The following AGBL1 variants were observed in gnomAD, a reference collection of about 807,000 sequenced individuals.
The protein encoded by AGBL1 is AGBL carboxypeptidase 1.
Under a neutral mutation model 118.9 loss-of-function variants are expected in AGBL1, and 130 were observed. That is an observed-to-expected ratio of 1.09 (90% CI 0.95 to 1.26). The LOEUF (loss-of-function observed/expected upper bound fraction) is 1.26. Among genes scored for constraint, AGBL1 ranks in the 50% most tolerant of loss-of-function variants. AGBL1 has a pLI of 0.00. For synonymous variants in AGBL1, 555 were observed against 478.9 expected (o/e 1.16, Z -2.08); for missense variants, 1,584 against 1,298.1 (o/e 1.22, Z -3.38).
At chr15:86,790,429 C>G (rs1389216847) in intron 22 of AGBL1, among the ~76,000 whole-genome samples, 1 of 152,008 alleles carries the variant, frequency 6.6e-6, no homozygotes, top group East Asian at 1.9e-4. Context: ...AACTTTCTCT[C>G]CCCACTCTCA....
intron 22 of AGBL1, among the ~76,000 whole-genome samples, chr15:86,736,914 T>C (rs750601316): frequency 1.3e-5 from 2 of 152,182 alleles, no homozygotes; most frequent in Admixed American, 6.5e-5. Context: ...TGTTTGATCA[T>C]TGGTAATTTC....
At chr15:86,200,598 C>T (rs1282021691) in intron 5 of AGBL1, among the ~76,000 whole-genome samples, 2 of 108,094 alleles carry the variant, frequency 1.9e-5, no homozygotes, top group East Asian at 6.2e-4. Flanking sequence ...TTGTTTTAAG[C>T]AATCATGAAT....
chr15:86,705,322 C>A (rs1174247662), intron 22 of AGBL1, among the ~76,000 whole-genome samples: 2 of 152,078 alleles, frequency 1.3e-5, no homozygotes, highest in African/African-American at 2.4e-5. Flanking sequence ...CAAAAACCCT[C>A]TTTTTTAAAT....
At chr15:86,586,213 G>A (rs1397458462) in intron 21 of AGBL1, among the ~76,000 whole-genome samples, 4 of 152,114 alleles carry the variant, frequency 2.6e-5, no homozygotes, top group African/African-American at 9.7e-5. Context: ...TTCTCTCCTA[G>A]CCTGTAATTC....
At chr15:86,142,171 G>A in intron 2 of AGBL1, 104 bp downstream of exon 2, 2 of 1,181,180 alleles carry the variant, frequency 1.7e-6, no homozygotes, top group Admixed American at 4.4e-5. Context: ...TCTTGCTTCA[G>A]TTTCCTGTGA....
intron 19 of AGBL1, among the ~76,000 whole-genome samples, chr15:86,544,923 T>A (rs944476612): frequency 8.5e-5 from 13 of 152,214 alleles, no homozygotes; most frequent in Non-Finnish European, 2.9e-5. Flanking sequence ...TTTTTCTCCA[T>A]TATTAGCATC....
In AGBL1 at chr15:86,485,374, C is replaced by T. The variant is rs564145813; in HGVS notation, c.2556-37436C>T. 1.1e-3 allele frequency among the ~76,000 whole-genome samples: 155 copies of T among 143,910 alleles called. 1 individual carries two copies. The highest frequency in any genetic ancestry group is 3.9e-3 in the African/African-American group (145 of 37,470). The allele number at this position is 143,910 out of a possible 152,430, so 94.4% of individuals were successfully genotyped here. ...GAGTTCCACCCATGATTTTTCACTG[C>T]TTATATATGAACAACTATACTTATT... is the stretch of plus-strand genomic sequence containing the variant. On this transcript the variant is annotated intron_variant, in intron 18 of 22. Coordinates refer to ENST00000614907, the MANE Select transcript of AGBL1 (RefSeq NM_001386094.1).
intron 17 of AGBL1, among the ~76,000 whole-genome samples, chr15:86,329,867 A>G (rs914524617): frequency 1.2e-4 from 19 of 152,284 alleles, no homozygotes; most frequent in Admixed American, 9.8e-4. Context: ...ATCCAAGTGG[A>G]GAGGAGCCTT....
rs112559854 is a variant in AGBL1, at chr15:86,773,540, C to T, written c.3158+99104C>T. 6.5e-3 allele frequency among the ~76,000 whole-genome samples: 852 copies of T among 131,158 alleles called. 3 individuals carry two copies. The highest frequency in any genetic ancestry group is 0.01 in the Non-Finnish European group (664 of 64,122). 86.0% of individuals were successfully genotyped at this position (131,158 alleles called of 152,430 possible). On this transcript the variant is annotated intron_variant, in intron 22 of 22. Coordinates refer to ENST00000614907, the MANE Select transcript of AGBL1 (RefSeq NM_001386094.1). ...ACAACAGGCCCTGGTGTGTGATGTT[C>T]CCCTTACTGTGTCCATGTGTTCTCA... is the stretch of plus-strand genomic sequence containing the variant.
chr15:86,377,528 A>T (rs1355777757), intron 17 of AGBL1, among the ~76,000 whole-genome samples: 1 of 152,190 alleles, frequency 6.6e-6, no homozygotes, highest in Admixed American at 6.5e-5. Flanking sequence ...AGTGCTAACA[A>T]GTCCTGTTTT....
chr15:86,907,525 G>C lies in AGBL1; in HGVS notation c.*231G>C, dbSNP rs573713540. ...TAGGTAGCCCTTGGGGCCTATGCAA[G>C]CTGCTATTGTACTTAGAATGGGACC... is the stretch of plus-strand genomic sequence containing the variant. On this transcript the variant is annotated 3_prime_UTR_variant, in exon 23 of 23. Coordinates refer to ENST00000614907, the MANE Select transcript of AGBL1 (RefSeq NM_001386094.1). 6.6e-6 allele frequency: 1 copy of C among 152,132 alleles called. No individual in the cohort carries two copies. The highest frequency in any genetic ancestry group is 1.9e-4 in the East Asian group (1 of 5,170). 9.4% of individuals were successfully genotyped at this position (152,132 alleles called of 1,614,324 possible).
intron 22 of AGBL1, among the ~76,000 whole-genome samples, chr15:86,857,178 T>C (rs1269119026): frequency 6.6e-6 from 1 of 152,186 alleles, no homozygotes; most frequent in Non-Finnish European, 1.5e-5. Context: ...GCCACCATTA[T>C]CTCCTAGTTG....
At chr15:86,195,321 T>G (rs1212951495) in intron 5 of AGBL1, among the ~76,000 whole-genome samples, 5 of 152,160 alleles carry the variant, frequency 3.3e-5, no homozygotes, top group Non-Finnish European at 7.4e-5. Context: ...AATTTGCATA[T>G]AGTCATCCTG....
chr15:86,575,073 C>T (rs112099455), intron 21 of AGBL1, among the ~76,000 whole-genome samples: 6,126 of 152,044 alleles, frequency 0.04, 149 homozygotes, highest in African/African-American at 0.055. Flanking sequence ...CCTGCAGTCC[C>T]AGCTACTTGG....
chr15:86,795,750 A>G (rs956746089), intron 22 of AGBL1, among the ~76,000 whole-genome samples: 1 of 151,128 alleles, frequency 6.6e-6, no homozygotes, highest in African/African-American at 2.4e-5. Context: ...ACACCCAGCT[A>G]ATTTTTTGTA....
chr15:86,774,351 A>G (rs780711842), intron 22 of AGBL1, among the ~76,000 whole-genome samples: 1 of 152,142 alleles, frequency 6.6e-6, no homozygotes, highest in Non-Finnish European at 1.5e-5. Context: ...ATATTAAACA[A>G]TGTTTAAGAG....
chr15:86,087,431 C>A (rs12917580), intron 1 of AGBL1, among the ~76,000 whole-genome samples: 75,321 of 151,238 alleles, frequency 0.5, 21,456 homozygotes, highest in Non-Finnish European at 0.65. Context: ...CACATTCAAG[C>A]GATTCTCCTG....
chr15:86,387,061 G>A (rs1344103070), intron 17 of AGBL1, among the ~76,000 whole-genome samples: 1 of 152,146 alleles, frequency 6.6e-6, no homozygotes, highest in Non-Finnish European at 1.5e-5. Flanking sequence ...ATGGAAAGCA[G>A]AAAGGGGGAT....
chr15:86,397,262 T>G, intron 17 of AGBL1, 104 bp from the exon 18 acceptor site: 1 of 805,956 alleles, frequency 1.2e-6, no homozygotes, highest in Non-Finnish European at 1.8e-6. Context: ...AATGTATTTT[T>G]AATAAAAATT....
Sources: gnomAD v4.1 joint callset for allele counts (sites outside exome capture counted in the v4.1 genomes callset) on GRCh38, gnomAD v4.1.1 for gene constraint, MANE v1.5 for transcripts, NCBI Gene and HGNC (gene_info 2026-07-23, HGNC 2026-07-21) for gene names.